MTUS2: variants seen among roughly 807,000 people sequenced by gnomAD.
MTUS2 encodes the protein microtubule associated scaffold protein 2, also known as microtubule-associated tumor suppressor candidate 2.
In MTUS2, 40 loss-of-function variants were observed where a neutral mutation model predicts 114.1. That is an observed-to-expected ratio of 0.35 (90% CI 0.27 to 0.46). The LOEUF is 0.46. MTUS2 is among the 20% of genes least tolerant of loss of function. The pLI is 1.00. For synonymous variants in MTUS2, 688 were observed against 672.0 expected (o/e 1.02, Z -0.37); for missense variants, 1,679 against 1,705.4 (o/e 0.98, Z 0.27).
intron 5 of MTUS2, among the ~76,000 whole-genome samples, chr13:29,176,507 G>A (rs2139139140): frequency 6.6e-6 from 1 of 152,264 alleles, no homozygotes. Flanking sequence ...ACCTTAGACT[G>A]GGTAATTTGT....
At chr13:29,431,544 C>T (rs973046514) in intron 8 of MTUS2, among the ~76,000 whole-genome samples, 3 of 152,178 alleles carry the variant, frequency 2.0e-5, no homozygotes, top group African/African-American at 4.8e-5. Context: ...TTATGCGGTA[C>T]TGACCATACC....
At chr13:29,458,484 AG>A (rs1239696995) in intron 9 of MTUS2, among the ~76,000 whole-genome samples, 1 of 152,124 alleles carries the variant, frequency 6.6e-6, no homozygotes, top group East Asian at 1.9e-4. Flanking sequence ...TGCCAGCAAA[AG>A]ATTGTAACAG....
intron 9 of MTUS2, among the ~76,000 whole-genome samples, chr13:29,471,893 C>T (rs549085437): frequency 1.5e-4 from 23 of 152,260 alleles, no homozygotes; most frequent in East Asian, 1.4e-3. Context: ...AGGAAGCACT[C>T]GCAGATGCCA....
chr13:29,346,036 C>T (rs1230449102), intron 7 of MTUS2, among the ~76,000 whole-genome samples: 4 of 152,186 alleles, frequency 2.6e-5, no homozygotes, highest in East Asian at 1.9e-4. Flanking sequence ...CCGTGAGTAA[C>T]GAGCACCTCC....
chr13:29,462,661 A>G (rs1368535360), intron 9 of MTUS2, among the ~76,000 whole-genome samples: 1 of 152,130 alleles, frequency 6.6e-6, no homozygotes, highest in East Asian at 1.9e-4. Flanking sequence ...TTTGTAAGGA[A>G]GACTATAAAG....
chr13:28,915,577 T>A (rs538609287), intron 2 of MTUS2, among the ~76,000 whole-genome samples: 3 of 152,080 alleles, frequency 2.0e-5, no homozygotes, highest in African/African-American at 7.2e-5. Context: ...CACAAGCCTG[T>A]TTGTTGTTTG....
intron 7 of MTUS2, among the ~76,000 whole-genome samples, chr13:29,337,945 T>G (rs1304270702): frequency 7.9e-6 from 1 of 126,524 alleles, no homozygotes; most frequent in African/African-American, 2.7e-5. Context: ...TGTGTCACTA[T>G]GCCCTGCTAA....
intron 9 of MTUS2, among the ~76,000 whole-genome samples, chr13:29,472,114 T>C (rs540908590): frequency 9.3e-4 from 142 of 152,258 alleles, no homozygotes; most frequent in Middle Eastern, 6.8e-3. Flanking sequence ...AACCTCTGCC[T>C]CCCGAGTTCA....
intron 8 of MTUS2, among the ~76,000 whole-genome samples, chr13:29,379,136 AT>A (rs1349116951): frequency 2.0e-5 from 3 of 152,240 alleles, no homozygotes; most frequent in African/African-American, 7.2e-5. Flanking sequence ...CTGTAAGTCA[AT>A]TAAACCTCTT....
intron 5 of MTUS2, among the ~76,000 whole-genome samples, chr13:29,233,208 G>A (rs1360858): frequency 0.76 from 115,729 of 151,418 alleles, 44,331 homozygotes; most frequent in East Asian, 0.89. Context: ...TATTTATTGA[G>A]GGTTTTGGTT....
chr13:28,924,730 T>C (rs1210334251), intron 2 of MTUS2, among the ~76,000 whole-genome samples: 2 of 152,130 alleles, frequency 1.3e-5, no homozygotes, highest in Non-Finnish European at 2.9e-5. Context: ...TTTCAATCCC[T>C]TGAAGCAGTG....
chr13:29,320,518 A>T (rs1032828738), intron 6 of MTUS2, among the ~76,000 whole-genome samples: 5 of 152,206 alleles, frequency 3.3e-5, no homozygotes, highest in Admixed American at 1.3e-4. Flanking sequence ...GAGGCTGAGC[A>T]CTCAGCCTCC....
intron 5 of MTUS2, among the ~76,000 whole-genome samples, chr13:29,191,866 T>G (rs903502666): frequency 2.0e-5 from 3 of 152,212 alleles, no homozygotes; most frequent in African/African-American, 7.2e-5. Flanking sequence ...TATGCCTTCT[T>G]CTTTACCACA....
chr13:29,458,158 G>T (rs1364136802), intron 9 of MTUS2, among the ~76,000 whole-genome samples: 1 of 152,118 alleles, frequency 6.6e-6, no homozygotes, highest in Non-Finnish European at 1.5e-5. Flanking sequence ...GGCACCTGCT[G>T]CCTTCACCCC....
intron 5 of MTUS2, among the ~76,000 whole-genome samples, chr13:29,164,142 G>A (rs1268172866): frequency 6.6e-6 from 1 of 152,156 alleles, no homozygotes; most frequent in Admixed American, 6.5e-5. Flanking sequence ...ACCCAAACCT[G>A]CTTATGGGCA....
Position 29,116,723 on chromosome 13 carries a change from A to G in MTUS2, c.2644+15753A>G, listed in dbSNP as rs1593493706. Reference sequence around the variant, plus strand: ...AGACGCCGCCACAGTCCATCTGATCACTGAGATGGCTATTAAGTGACTCAG... The same window carrying G: ...AGACGCCGCCACAGTCCATCTGATCGCTGAGATGGCTATTAAGTGACTCAG... On this transcript the variant is annotated intron_variant, in intron 5 of 15. Coordinates refer to ENST00000612955, the MANE Select transcript of MTUS2 (RefSeq NM_001033602.4). Among the ~76,000 whole-genome samples the G allele has an allele frequency of 2.0e-5, 3 of 152,252 alleles. No individual in the cohort carries two copies. The East Asian group carries it at 5.8e-4, about 29-fold the overall frequency.
At chr13:28,941,839 C>T (rs1234422851) in intron 2 of MTUS2, among the ~76,000 whole-genome samples, 2 of 152,138 alleles carry the variant, frequency 1.3e-5, no homozygotes, top group Non-Finnish European at 2.9e-5. Flanking sequence ...CTATCTTGCA[C>T]TTTAAATTAT....
Position 29,480,885 on chromosome 13 carries a change from C to T in MTUS2, c.3399+521C>T, listed in dbSNP as rs1454012878. Reference sequence around the variant, plus strand: ...ACCAGACACTGCTCTAAGCTCTTTACAGGAACTGACTCATGTAGTCCTCAC... The same window carrying T: ...ACCAGACACTGCTCTAAGCTCTTTATAGGAACTGACTCATGTAGTCCTCAC... On this transcript the variant is annotated intron_variant, in intron 10 of 15. Transcript: ENST00000612955. This position sits in a 1 kb window ranked among gnomAD's most constrained non-coding sequence, Gnocchi z 4.4. 6.6e-6 allele frequency among the ~76,000 whole-genome samples: 1 copy of T among 152,198 alleles called. No homozygotes were observed. Among genetic ancestry groups the T allele is most frequent in the Non-Finnish European group, 1.5e-5 (1 of 68,042 alleles).
In MTUS2 at chr13:28,942,487, A is replaced by G. The variant is rs375905764; in HGVS notation, c.-242-81970A>G. ...GGAATATAACTAACAAATATGGCAC[A>G]TATTAGCATCAAAAGACATATACAA... On this transcript the variant is annotated intron_variant, in intron 2 of 15. Coordinates refer to ENST00000612955, the MANE Select transcript of MTUS2 (RefSeq NM_001033602.4). Among the ~76,000 whole-genome samples the G allele has an allele frequency of 1.1e-4, 17 of 152,362 alleles. 1 individual carries two copies. The highest frequency in any genetic ancestry group is 4.1e-4 in the African/African-American group (17 of 41,586).
Sources: gnomAD v4.1 joint callset for allele counts (sites outside exome capture counted in the v4.1 genomes callset) on GRCh38, gnomAD v4.1.1 for gene constraint, Gnocchi (gnomAD v3.1) non-coding constraint, MANE v1.5 for transcripts, NCBI Gene and HGNC (gene_info 2026-07-23, HGNC 2026-07-21) for gene names.